PCDHA1: variants seen among roughly 807,000 people sequenced by gnomAD.
PCDHA1 encodes protocadherin alpha 1, also known as protocadherin alpha-1.
PCDHA1 carries 42 observed loss-of-function variants against 61.3 expected under a neutral mutation model. That is an observed-to-expected ratio of 0.69 (90% confidence interval 0.54 to 0.89). The LOEUF (loss-of-function observed/expected upper bound fraction) is 0.89, where lower values mean the gene tolerates loss of function less well. PCDHA1 is among the 40% of genes least tolerant of loss of function. PCDHA1 has a pLI of 0.00. For synonymous variants in PCDHA1, 610 were observed against 553.8 expected (o/e 1.10, Z -1.43); for missense variants, 1,256 against 1,235.3 (o/e 1.02, Z -0.25).
At chr5:140,894,403 T>C (rs1442623931) in intron 1 of PCDHA1, among the ~76,000 whole-genome samples, 3 of 152,046 alleles carry the variant, frequency 2.0e-5, no homozygotes, top group Non-Finnish European at 4.4e-5. Context: ...TTCTTTGCTT[T>C]TCTTTTGTAG....
intron 1 of PCDHA1, chr5:140,828,028 A>G (rs2150150265): frequency 1.0e-4 from 158 of 1,520,712 alleles, no homozygotes; most frequent in Non-Finnish European, 4.4e-6. Flanking sequence ...AAATTCCGGA[A>G]CATACAGTAT....
chr5:140,787,208 T>G lies in PCDHA1; in HGVS notation c.918T>G (p.Asp306Glu), dbSNP rs1554117732. ...GCTCAGGAGAAATTAGGTTAATTGA[T>G]AAACTGGATTATGAAGAAACAAAAT... ...DSSSGEIRLI[D>E]KLDYEETKSY... The change falls in exon 1 of 4, where the codon GAT becomes GAG. Residue 306 changes from aspartate (D) to glutamate (E), a missense_variant. By Grantham distance (45) the Asp-to-Glu change is conservative. Transcript: ENST00000504120. The G allele has an allele frequency of 6.2e-7, 1 of 1,613,976 alleles. No homozygotes were observed. The highest frequency in any genetic ancestry group is 1.3e-5 in the African/African-American group (1 of 74,918).
In PCDHA1 at chr5:140,856,189, C is replaced by A. The variant is rs1399826536; in HGVS notation, c.2394+67505C>A. On this transcript the variant is annotated intron_variant, in intron 1 of 3. Transcript: ENST00000504120. ...GACACGGCACCTTCGTGGGCCGCAT[C>A]GCGCAGGACCTGGGGCTGGAGCTGG... 11 of 1,598,094 alleles carry A rather than the reference C, an allele frequency of 6.9e-6. 1 individual carries two copies. In the African/African-American group the frequency reaches 1.5e-4, roughly 22 times the overall value.
chr5:140,987,709 T>TATG (rs1359366930), intron 3 of PCDHA1, among the ~76,000 whole-genome samples: 1 of 152,190 alleles, frequency 6.6e-6, no homozygotes, highest in Non-Finnish European at 1.5e-5. Flanking sequence ...TTTTTCCAGG[T>TATG]ATGAGTCTAT....
chr5:140,972,621 G>T (rs1278363112), intron 1 of PCDHA1, among the ~76,000 whole-genome samples: 1 of 148,458 alleles, frequency 6.7e-6, no homozygotes, highest in South Asian at 2.1e-4. Flanking sequence ...ACTGAATGTT[G>T]TTGGCACTCC....
At chr5:140,910,641 C>T (rs1270893523) in intron 1 of PCDHA1, among the ~76,000 whole-genome samples, 1 of 152,206 alleles carries the variant, frequency 6.6e-6, no homozygotes, top group Non-Finnish European at 1.5e-5. Flanking sequence ...CTCCCTAAAC[C>T]TTTTGATCCC....
In PCDHA1 at chr5:140,802,051, T is replaced by G. The variant is rs781808156; in HGVS notation, c.2394+13367T>G. 3 of 1,614,052 alleles carry G rather than the reference T, an allele frequency of 1.9e-6. No individual in the cohort carries two copies. The Admixed American group carries it at 5.0e-5, about 27-fold the overall frequency. ...ATCGCGTATTCTTTCAATACGGACA[T>G]GTCAGCAGATATTCTGTCAAAATTC... On this transcript the variant is annotated intron_variant, in intron 1 of 3. Coordinates refer to ENST00000504120, the MANE Select transcript of PCDHA1 (RefSeq NM_018900.4).
intron 1 of PCDHA1, chr5:140,812,808 T>TA (rs1581722894): frequency 6.6e-6 from 1 of 152,358 alleles, no homozygotes; most frequent in East Asian, 1.9e-4. Flanking sequence ...TGTAAGTTTT[T>TA]ATTGTGTTGT....
chr5:140,827,820 A>G (rs2150149356), intron 1 of PCDHA1: 6 of 378,944 alleles, frequency 1.6e-5, no homozygotes, highest in Non-Finnish European at 2.8e-5. Context: ...AGGGTTTACT[A>G]TAAAAGTAGA....
chr5:140,807,052 C>G, intron 1 of PCDHA1: 1 of 1,051,964 alleles, frequency 9.5e-7, no homozygotes, highest in African/African-American at 1.6e-5. Context: ...TCCTTCTATT[C>G]TTACTGGAAG....
At chr5:140,882,375 C>G (rs879994353) in intron 1 of PCDHA1, 2 of 1,614,094 alleles carry the variant, frequency 1.2e-6, no homozygotes, top group Non-Finnish European at 1.7e-6. Context: ...TACTCCGTCC[C>G]CGAGGAAGCA....
chr5:140,870,903 A>G lies in PCDHA1; in HGVS notation c.2394+82219A>G, dbSNP rs182770106. On this transcript the variant is annotated intron_variant, in intron 1 of 3. Transcript: ENST00000504120. ...AGGTGCGCGCAGTGGATGCGGACTC[A>G]GGCTACAACGCGTGGCTTTCATATG... The G allele has an allele frequency of 1.9e-6, 3 of 1,613,930 alleles. No individual in the cohort carries two copies. In the East Asian group the frequency reaches 6.7e-5, roughly 36 times the overall value.
intron 3 of PCDHA1, among the ~76,000 whole-genome samples, chr5:140,984,112 A>G (rs2097087288): frequency 6.6e-6 from 1 of 152,244 alleles, no homozygotes; most frequent in Admixed American, 6.5e-5. Flanking sequence ...GTGGTTTTAG[A>G]CTGCCAAGTG....
Position 141,005,651 on chromosome 5 carries a change from G to A in PCDHA1, c.2543-3976G>A, listed in dbSNP as rs1554260215. ...CGGGAGGCGGAGCTTGCAGTGAGTC[G>A]AGATCGCGCCACTGCACTCCAGCCT... On this transcript the variant is annotated intron_variant, in intron 3 of 3. Coordinates refer to ENST00000504120, the MANE Select transcript of PCDHA1 (RefSeq NM_018900.4). Among the ~76,000 whole-genome samples, 4 of 131,238 alleles carry A rather than the reference G, an allele frequency of 3.0e-5. No homozygotes were observed. In the East Asian group the frequency reaches 7.0e-4, roughly 23 times the overall value. The allele number at this position is 131,238 out of a possible 152,430, so 86.1% of individuals were successfully genotyped here.
intron 1 of PCDHA1, chr5:140,830,163 C>CCA: frequency 6.2e-7 from 1 of 1,613,430 alleles, no homozygotes; most frequent in African/African-American, 1.3e-5. Context: ...GGCCCAGAGG[C>CCA]GGCGCTGGTG....
intron 3 of PCDHA1, among the ~76,000 whole-genome samples, chr5:140,999,772 T>A (rs1186405321): frequency 6.6e-6 from 1 of 152,182 alleles, no homozygotes; most frequent in Non-Finnish European, 1.5e-5. Flanking sequence ...CTTTATACTC[T>A]TAACCTAGAA....
chr5:140,863,416 C>A, intron 1 of PCDHA1: 6 of 719,752 alleles, frequency 8.3e-6, no homozygotes, highest in African/African-American at 1.8e-5. Flanking sequence ...GCTGGTGTAC[C>A]GCAGCGTAGT....
intron 2 of PCDHA1, among the ~76,000 whole-genome samples, chr5:140,980,159 A>G (rs2153821002): frequency 6.6e-6 from 1 of 152,326 alleles, no homozygotes; most frequent in Admixed American, 6.5e-5. Context: ...ATACCAGAAT[A>G]TTAGGTATCA....
At position 140,966,633 on chromosome 5, in the gene PCDHA1, C is replaced by T. The variant is rs2096029445; in HGVS notation, c.2395-12316C>T. ...GGCCTACGGAGGGAGCGGCCCCAGG[C>T]GCTTTCTAGAGCGTGAGCGGTGGGG... On this transcript the variant is annotated intron_variant, in intron 1 of 3. Transcript: ENST00000504120. 9 of 1,005,684 alleles carry T rather than the reference C, an allele frequency of 8.9e-6. No homozygotes were observed. In the South Asian group the frequency reaches 1.6e-4, roughly 18 times the overall value. 62.3% of individuals were successfully genotyped at this position (1,005,684 alleles called of 1,614,324 possible).
Sources: allele counts gnomAD v4.1 joint callset (sites outside exome capture counted in the v4.1 genomes callset), GRCh38; gene constraint gnomAD v4.1.1; transcripts MANE v1.5; gene names NCBI Gene and HGNC (gene_info 2026-07-23, HGNC 2026-07-21).